Variants in PAXIP1 observed in about 807,000 individuals in gnomAD.
PAXIP1 encodes the protein PAX-interacting protein 1.
In PAXIP1, 19 loss-of-function variants were observed where a neutral mutation model predicts 140.6. The ratio of observed to expected loss-of-function variants is 0.14; its 90% confidence interval spans 0.09 to 0.20. The LOEUF is 0.20. Among genes scored for constraint, PAXIP1 ranks in the 10% least tolerant of loss-of-function variants. PAXIP1 has a pLI of 1.00. For synonymous variants in PAXIP1, 442 were observed against 444.6 expected, an observed-to-expected ratio of 0.99 and a Z score of 0.07; for missense variants, 920 against 1,208.6, an observed-to-expected ratio of 0.76 and a Z score of 3.54.
Position 155,003,095 on chromosome 7 carries a change from CCGCCCGCGCCCG to C in PAXIP1, c.-178_-167del, listed in dbSNP as rs566689569. ...GTCCGCTCCCCCGCCCTCCGCGCCCCCGCCCGCGCCCGCGCCGAGCGCCCGAAGCGCGGGAGC... is the reference window on the plus strand; with the variant it reads ...GTCCGCTCCCCCGCCCTCCGCGCCCCCGCCGAGCGCCCGAAGCGCGGGAGC... On this transcript the variant is annotated 5_prime_UTR_variant, in exon 1 of 21. Transcript: ENST00000404141. 2 of 172,472 alleles carry C rather than the reference CCGCCCGCGCCCG, an allele frequency of 1.2e-5. No homozygotes were observed. Among genetic ancestry groups the C allele is most frequent in the Non-Finnish European group, 2.2e-5 (2 of 88,900 alleles). 10.7% of individuals were successfully genotyped at this position (172,472 alleles called of 1,614,324 possible).
At chr7:154,976,797 T>C (rs769616876) in intron 5 of PAXIP1, among the ~76,000 whole-genome samples, 2 of 152,200 alleles carry the variant, frequency 1.3e-5, no homozygotes, top group Admixed American at 6.5e-5. Context: ...CTGACTTGCA[T>C]AGGACAGCTC....
chr7:154,962,155 A>G (rs1335275053), intron 10 of PAXIP1, among the ~76,000 whole-genome samples, 166 bp downstream of exon 10: 1 of 152,258 alleles, frequency 6.6e-6, no homozygotes, highest in African/African-American at 2.4e-5. Context: ...GAACTAAAAG[A>G]AAACACACTA....
intron 6 of PAXIP1, 79 bp from the exon 7 acceptor site, chr7:154,969,205 G>A (rs900074865): frequency 2.9e-6 from 4 of 1,380,388 alleles, no homozygotes; most frequent in East Asian, 5.1e-5. Context: ...CAAGAGAATG[G>A]CATATCCTAT....
chr7:154,959,609 T>A (rs1808666253), intron 13 of PAXIP1, among the ~76,000 whole-genome samples: 1 of 152,150 alleles, frequency 6.6e-6, no homozygotes, highest in Non-Finnish European at 1.5e-5. Flanking sequence ...GACTCCCAAC[T>A]CAGGACACTA....
chr7:154,945,486 G>A, intron 20 of PAXIP1: 1 of 983,242 alleles, frequency 1.0e-6, no homozygotes, highest in Non-Finnish European at 1.2e-6. Flanking sequence ...AACTCGGCAA[G>A]GATGGGTATC....
At chr7:154,960,406 G>C (rs964514941) in intron 12 of PAXIP1, among the ~76,000 whole-genome samples, 6 of 152,218 alleles carry the variant, frequency 3.9e-5, no homozygotes, top group Non-Finnish European at 7.3e-5. Context: ...TTCTAGGAAA[G>C]CAGGGAATGT....
At chr7:154,953,378 C>A (rs1324475031) in intron 16 of PAXIP1, among the ~76,000 whole-genome samples, 2 of 152,204 alleles carry the variant, frequency 1.3e-5, no homozygotes, top group African/African-American at 4.8e-5. Context: ...ATCATTGCTA[C>A]ATGATGGAGT....
rs1239191791 is a variant in PAXIP1, at chr7:154,976,110, A to G, written c.660T>C (p.Pro220=). ...NEGSTDEKSS[P]ASSQEGSPSG... Reference sequence around the variant, plus strand: ...AAGGAGACCCTTCTTGAGAGCTGGCAGGGCTTGACTTCTCATCTGTACTAC... The same window carrying G: ...AAGGAGACCCTTCTTGAGAGCTGGCGGGGCTTGACTTCTCATCTGTACTAC... Residue 220 remains proline, a synonymous_variant, in exon 6 of 21, where the codon CCT becomes CCC. Coordinates refer to ENST00000404141, the MANE Select transcript of PAXIP1 (RefSeq NM_007349.4). The G allele has an allele frequency of 1.9e-6, 3 of 1,571,478 alleles. No individual in the cohort carries two copies. Among genetic ancestry groups the G allele is most frequent in the Non-Finnish European group, 2.6e-6 (3 of 1,156,762 alleles).
At chr7:154,989,989 C>T (rs1325858090) in intron 4 of PAXIP1, among the ~76,000 whole-genome samples, 1 of 151,562 alleles carries the variant, frequency 6.6e-6, no homozygotes, top group East Asian at 1.9e-4. Flanking sequence ...TAAATGTAGG[C>T]ACCTTTATGT....
chr7:154,968,418 C>A lies in PAXIP1; in HGVS notation c.1783G>T (p.Asp595Tyr). 6.5e-7 allele frequency: 1 copy of A among 1,548,208 alleles called. No individual in the cohort carries two copies. The highest frequency in any genetic ancestry group is 1.2e-5 in the South Asian group (1 of 83,694). ...CATTACTAACTCTCCACTGCTGGAT[C>A]ATGTCCAAAAAGCTGATGCTGCTGA... ...SPQQHQLFGH[D>Y]PAVEIPEEGF... The change falls in exon 7 of 21, where the codon GAT becomes TAT. Residue 595 changes from aspartate (D) to tyrosine (Y), a missense_variant. This residue lies in a region of PAXIP1 where 62 missense variants were observed against 69.0 expected (regional missense o/e 0.90). Coordinates refer to ENST00000404141, the MANE Select transcript of PAXIP1 (RefSeq NM_007349.4).
intron 5 of PAXIP1, among the ~76,000 whole-genome samples, chr7:154,981,233 C>T (rs1356932250): frequency 6.6e-6 from 1 of 152,228 alleles, no homozygotes. Context: ...ACTTCCTTCA[C>T]TGTACGCCGC....
chr7:154,948,418 G>T, intron 16 of PAXIP1: 1 of 182,238 alleles, frequency 5.5e-6, no homozygotes, highest in Non-Finnish European at 1.2e-5. Flanking sequence ...ATGGTGGCAT[G>T]TGCCTGTAGT....
chr7:154,993,898 G>T, intron 2 of PAXIP1, 129 bp from the exon 3 acceptor site: 1 of 645,446 alleles, frequency 1.5e-6, no homozygotes, highest in Non-Finnish European at 2.6e-6. Flanking sequence ...TTACAAGTAT[G>T]AATATTCAAA....
At chr7:154,988,548 A>G (rs1050304712) in intron 4 of PAXIP1, among the ~76,000 whole-genome samples, 1 of 152,232 alleles carries the variant, frequency 6.6e-6, no homozygotes, top group Non-Finnish European at 1.5e-5. Flanking sequence ...TTAATATTTA[A>G]CAATATCTAA....
At chr7:154,979,775 G>C (rs1214480008) in intron 5 of PAXIP1, among the ~76,000 whole-genome samples, 1 of 152,022 alleles carries the variant, frequency 6.6e-6, no homozygotes, top group African/African-American at 2.4e-5. Flanking sequence ...AGCCTTCAAG[G>C]GGTGAGTTAG....
Position 154,954,124 on chromosome 7 carries a change from T to C in PAXIP1, c.2821+131A>G. 2 of 632,248 alleles carry C rather than the reference T, an allele frequency of 3.2e-6. No individual in the cohort carries two copies. Among genetic ancestry groups the C allele is most frequent in the Non-Finnish European group, 4.8e-6 (2 of 419,898 alleles). The allele number at this position is 632,248 out of a possible 1,614,324, so 39.2% of individuals were successfully genotyped here. A position where few individuals can be genotyped will look rare whatever the true frequency, so the allele number is the denominator to read the frequency against. ...GGAATCACTGGGGATATGAAATAAA[T>C]TTTTAAATTTAAATGAATAACTATC... On this transcript the variant is annotated intron_variant, in intron 16 of 20. Transcript: ENST00000404141. This position sits in a 1 kb window ranked among gnomAD's most constrained non-coding sequence, Gnocchi z 5.1.
At chr7:154,983,365 T>C (rs1190194497) in intron 4 of PAXIP1, 33 bp from the exon 5 acceptor site, 1 of 1,047,636 alleles carries the variant, frequency 9.5e-7, no homozygotes, top group South Asian at 1.3e-5. Context: ...GCTTTTACCA[T>C]ACATTTCAAT....
intron 12 of PAXIP1, 41 bp from the exon 13 acceptor site, chr7:154,959,974 G>A: frequency 7.1e-7 from 1 of 1,408,846 alleles, no homozygotes; most frequent in Non-Finnish European, 1.0e-6. Context: ...TAGATACGTT[G>A]TTTAAATAAA....
intron 2 of PAXIP1, among the ~76,000 whole-genome samples, chr7:154,996,391 G>T (rs571113049): frequency 3.9e-5 from 6 of 152,200 alleles, no homozygotes; most frequent in African/African-American, 7.2e-5. Context: ...GCCAGAGGGG[G>T]AAAAAGTTGG....
Sources: gnomAD v4.1 joint callset for allele counts (sites outside exome capture counted in the v4.1 genomes callset) on GRCh38, gnomAD v4.1.1 for gene constraint, gnomAD v4.1.1 regional missense constraint, Gnocchi (gnomAD v3.1) non-coding constraint, MANE v1.5 for transcripts, NCBI Gene and HGNC (gene_info 2026-07-23, HGNC 2026-07-21) for gene names.